PARL: variants seen among roughly 807,000 people sequenced by gnomAD.
PARL encodes presenilin-associated rhomboid-like protein, mitochondrial.
In PARL, 44 loss-of-function variants were observed where a neutral mutation model predicts 51.6. The ratio of observed to expected loss-of-function variants is 0.85; its 90% CI spans 0.67 to 1.10. The LOEUF (loss-of-function observed/expected upper bound fraction) is 1.10, where lower values mean the gene tolerates loss of function less well. Among genes scored for constraint, PARL ranks in the 50% least tolerant of loss-of-function variants. PARL has a pLI of 0.00. For synonymous variants in PARL, 172 were observed against 164.0 expected (o/e 1.05, Z -0.37); for missense variants, 441 against 469.5 (o/e 0.94, Z 0.56).
Position 183,840,637 on chromosome 3 carries a change from A to T in PARL, c.761T>A (p.Val254Asp). 1 of 1,511,350 alleles carries T rather than the reference A, an allele frequency of 6.6e-7. No individual in the cohort carries two copies. The highest frequency in any genetic ancestry group is 9.2e-7 in the Non-Finnish European group (1 of 1,092,466). 93.6% of individuals were successfully genotyped at this position (1,511,350 alleles called of 1,614,324 possible). Residue 254 changes from valine (V) to aspartate (D), a missense_variant, in exon 7 of 10, where the codon GTT becomes GAT. Val to Asp is a radical substitution (Grantham distance 152). Transcript: ENST00000317096. Reference sequence around the variant, plus strand: ...CACGTAACTGACAAAATTGGAAATAACACCTGAAAAACAAGTCACATTACA... The same window carrying T: ...CACGTAACTGACAAAATTGGAAATATCACCTGAAAAACAAGTCACATTACA... ...QFMAVYLSAG[V>D]ISNFVSYVGK...
At chr3:183,834,380 C>T (rs1310334083) in intron 7 of PARL, among the ~76,000 whole-genome samples, 7 of 152,206 alleles carry the variant, frequency 4.6e-5, no homozygotes, top group East Asian at 1.9e-4. Flanking sequence ...CACCACTGCA[C>T]TCCTGCCTGG....
intron 3 of PARL, among the ~76,000 whole-genome samples, chr3:183,865,407 C>G (rs1732352487): frequency 6.6e-6 from 1 of 152,206 alleles, no homozygotes; most frequent in Non-Finnish European, 1.5e-5. Flanking sequence ...GGGTCCCCAA[C>G]AACCCGGCTG....
intron 3 of PARL, among the ~76,000 whole-genome samples, chr3:183,864,632 C>T (rs777545689): frequency 3.3e-5 from 5 of 151,836 alleles, no homozygotes; most frequent in Non-Finnish European, 5.9e-5. Context: ...AAAAATTAGC[C>T]GGGCGTGGTG....
chr3:183,838,688 T>C (rs1294954305), intron 7 of PARL, among the ~76,000 whole-genome samples: 4 of 152,188 alleles, frequency 2.6e-5, no homozygotes, highest in Admixed American at 1.3e-4. Context: ...TTCAGTAATA[T>C]GTCCTAGAAA....
chr3:183,844,353 G>T, intron 4 of PARL, 27 bp from the exon 5 acceptor site: 1 of 1,405,600 alleles, frequency 7.1e-7, no homozygotes, highest in South Asian at 1.2e-5. Context: ...TATAATTTAG[G>T]GAGGTTAAAA....
Position 183,829,542 on chromosome 3 carries a change from T to C in PARL, c.*56A>G. On this transcript the variant is annotated 3_prime_UTR_variant, in exon 10 of 10. Coordinates refer to ENST00000317096, the MANE Select transcript of PARL (RefSeq NM_018622.7). Reference sequence around the variant, plus strand: ...AGCCATGGTCACTCTAGCCGATGTCTCCTGGGGCTCTCAGGCGGCAAGGAC... The same window carrying C: ...AGCCATGGTCACTCTAGCCGATGTCCCCTGGGGCTCTCAGGCGGCAAGGAC... 2 of 1,614,068 alleles carry C rather than the reference T, an allele frequency of 1.2e-6. No individual in the cohort carries two copies. Among genetic ancestry groups the C allele is most frequent in the Non-Finnish European group, 1.7e-6 (2 of 1,180,026 alleles).
At position 183,842,417 on chromosome 3, in the gene PARL, G is replaced by A. The variant is rs1729429718; in HGVS notation, c.638C>T (p.Thr213Ile). 2 of 1,613,048 alleles carry A rather than the reference G, an allele frequency of 1.2e-6. No homozygotes were observed. Among genetic ancestry groups the A allele is most frequent in the Non-Finnish European group, 1.7e-6 (2 of 1,179,048 alleles). Reference sequence around the variant, plus strand: ...GTGAAATAAGGAGAAATGACTGAATGTTGACAGCAACATTGGAGAACAAAG... The same window carrying A: ...GTGAAATAAGGAGAAATGACTGAATATTGACAGCAACATTGGAGAACAAAG... ...KVLCSPMLLS[T>I]FSHFSLFHMA... Residue 213 changes from threonine (T) to isoleucine (I), a missense_variant, in exon 6 of 10, where the codon ACA (threonine) becomes ATA (isoleucine). Coordinates refer to ENST00000317096, the MANE Select transcript of PARL (RefSeq NM_018622.7).
chr3:183,838,031 T>TTC (rs1728842870), intron 7 of PARL, among the ~76,000 whole-genome samples: 1 of 151,592 alleles, frequency 6.6e-6, no homozygotes, highest in Admixed American at 6.6e-5. Flanking sequence ...ACTTTCTTTT[T>TTC]TTTTTTTTGA....
intron 4 of PARL, chr3:183,856,331 A>T (rs1398474875): frequency 6.6e-6 from 1 of 152,268 alleles, no homozygotes; most frequent in Non-Finnish European, 1.5e-5. Flanking sequence ...AAGCTCCTTT[A>T]TCTGAAGGGG....
chr3:183,828,184 G>C (rs1183078604), downstream of PARL, among the ~76,000 whole-genome samples: 1 of 152,214 alleles, frequency 6.6e-6, no homozygotes, highest in East Asian at 1.9e-4. Context: ...GATGCTACAG[G>C]GACTTCTAAC....
At chr3:183,866,876 G>A in intron 2 of PARL, 111 bp from the exon 3 acceptor site, 1 of 807,618 alleles carries the variant, frequency 1.2e-6, no homozygotes, top group Non-Finnish European at 2.0e-6. Context: ...CAACAGAAGG[G>A]AATACTTGGC....
At chr3:183,845,384 A>G (rs969046527) in intron 4 of PARL, among the ~76,000 whole-genome samples, 1 of 152,186 alleles carries the variant, frequency 6.6e-6, no homozygotes, top group East Asian at 1.9e-4. Context: ...ACAGATCTTA[A>G]GACATTTTTT....
chr3:183,829,820 T>G (rs1007855461), intron 9 of PARL, 111 bp from the exon 10 acceptor site: 1 of 853,796 alleles, frequency 1.2e-6, no homozygotes, highest in South Asian at 1.3e-5. Context: ...CCACTCACTA[T>G]GTAGCCGATT....
chr3:183,840,452 T>C (rs1358405323), intron 7 of PARL, 118 bp downstream of exon 7: 35 of 573,828 alleles, frequency 6.1e-5, no homozygotes, highest in Non-Finnish European at 9.7e-5. Flanking sequence ...TAGTTAACAG[T>C]AGGGTGAAGG....
At chr3:183,844,144 G>T in intron 5 of PARL, 87 bp downstream of exon 5, 2 of 940,160 alleles carry the variant, frequency 2.1e-6, no homozygotes, top group Non-Finnish European at 3.5e-6. Flanking sequence ...TAGGTAATTC[G>T]TCTTTTTTAC....
intron 4 of PARL, among the ~76,000 whole-genome samples, chr3:183,853,785 A>G (rs1469816809): frequency 6.6e-6 from 1 of 152,244 alleles, no homozygotes; most frequent in Non-Finnish European, 1.5e-5. Context: ...ACAAAGAGAA[A>G]ATAACAAATG....
intron 7 of PARL, among the ~76,000 whole-genome samples, chr3:183,840,326 T>C (rs1187875488): frequency 6.6e-6 from 1 of 152,174 alleles, no homozygotes; most frequent in Non-Finnish European, 1.5e-5. Flanking sequence ...CTGGTAAACA[T>C]ATATATATGA....
chr3:183,859,120 G>A lies in PARL; in HGVS notation c.511+3633C>T, dbSNP rs368390802. Among the ~76,000 whole-genome samples, 28 of 152,000 alleles carry A rather than the reference G, an allele frequency of 1.8e-4. 1 individual carries two copies. In the East Asian group the frequency reaches 2.2e-3, roughly 12 times the overall value. ...GAAGATCTAGACCATCCTGGCTAAC[G>A]CGGTGAAACCCCGTCTCTACTAAAA... On this transcript the variant is annotated intron_variant, in intron 4 of 9. Transcript: ENST00000317096.
intron 2 of PARL, 43 bp downstream of exon 2, chr3:183,867,822 A>C: frequency 7.0e-7 from 1 of 1,433,654 alleles, no homozygotes; most frequent in Non-Finnish European, 9.8e-7. Context: ...TTAACACTGC[A>C]TTTCTAGCAA....
Sources: gnomAD v4.1 joint callset for allele counts (sites outside exome capture counted in the v4.1 genomes callset) on GRCh38, gnomAD v4.1.1 for gene constraint, MANE v1.5 for transcripts, NCBI Gene and HGNC (gene_info 2026-07-23, HGNC 2026-07-21) for gene names.